Variants in EYS observed in about 807,000 individuals in gnomAD.
The protein encoded by EYS is EGF-like photoreceptor maintenance factor, also known as protein eyes shut homolog.
In EYS, 250 loss-of-function variants were observed where a neutral mutation model predicts 282.1. The ratio of observed to expected loss-of-function variants is 0.89; its 90% CI spans 0.80 to 0.98. The LOEUF (loss-of-function observed/expected upper bound fraction) is 0.98, where lower values mean the gene tolerates loss of function less well. Among genes scored for constraint, EYS ranks in the 50% least tolerant of loss-of-function variants. The probability of loss-of-function intolerance (pLI) is 0.00; values close to 1 mark genes in which losing one functional copy is unlikely to be tolerated. For missense variants in EYS, 4,016 were observed against 3,709.0 expected (o/e 1.08, Z -2.15); for synonymous variants, 1,355 against 1,282.9 (o/e 1.06, Z -1.20).
chr6:65,663,442 C>T lies in EYS; in HGVS notation c.-447-23550G>A, dbSNP rs1768075748. 2.0e-5 allele frequency among the ~76,000 whole-genome samples: 3 copies of T among 152,054 alleles called. No individual in the cohort carries two copies. The South Asian group carries it at 6.2e-4, about 32-fold the overall frequency. ...CAAAAAGGAAGGCTAATTAGCAAAA[C>T]TAAATATAGTCAAGAGATAGGAGAA... is the stretch of plus-strand genomic sequence containing the variant. On this transcript the variant is annotated intron_variant, in intron 1 of 42. Transcript: ENST00000503581.
At chr6:65,050,401 C>A (rs1430907599) in intron 13 of EYS, among the ~76,000 whole-genome samples, 2 of 151,508 alleles carry the variant, frequency 1.3e-5, no homozygotes, top group Admixed American at 6.6e-5. Flanking sequence ...TTTAACGAAT[C>A]GTTTATTTTT....
At chr6:64,167,147 G>T (rs1475617280) in intron 31 of EYS, among the ~76,000 whole-genome samples, 2 of 152,064 alleles carry the variant, frequency 1.3e-5, no homozygotes, top group Non-Finnish European at 2.9e-5. Context: ...TCTATTAATG[G>T]TTATGCAAGT....
At chr6:65,549,615 A>G (rs6932966) in intron 2 of EYS, among the ~76,000 whole-genome samples, 83,628 of 152,100 alleles carry the variant, frequency 0.55, 23,030 homozygotes, top group East Asian at 0.71. Context: ...AGAAGGGCTT[A>G]TATTTAAGGT....
At chr6:65,395,506 C>T (rs1335789614) in intron 7 of EYS, among the ~76,000 whole-genome samples, 1 of 152,040 alleles carries the variant, frequency 6.6e-6, no homozygotes, top group African/African-American at 2.4e-5. Context: ...TATCTGTCAC[C>T]TTGCACAGTT....
chr6:64,779,772 A>C (rs1773801933), intron 22 of EYS, among the ~76,000 whole-genome samples: 1 of 152,148 alleles, frequency 6.6e-6, no homozygotes, highest in Non-Finnish European at 1.5e-5. Context: ...CTCACTCAAT[A>C]TTTCTGTAAA....
chr6:65,059,159 GT>G (rs903414536), intron 12 of EYS, among the ~76,000 whole-genome samples: 3 of 151,972 alleles, frequency 2.0e-5, no homozygotes, highest in African/African-American at 4.8e-5. Context: ...AAATATATTA[GT>G]TTTTTTAATG....
intron 1 of EYS, among the ~76,000 whole-genome samples, chr6:65,690,391 G>A (rs571308178): frequency 2.5e-4 from 37 of 149,712 alleles, no homozygotes; most frequent in Middle Eastern, 3.4e-3. Flanking sequence ...ATATGGACAG[G>A]TGCCCCTCAT....
At chr6:64,421,038 G>T (rs189020783) in intron 28 of EYS, among the ~76,000 whole-genome samples, 1 of 151,950 alleles carries the variant, frequency 6.6e-6, no homozygotes, top group African/African-American at 2.4e-5. Flanking sequence ...CACTCTCTGT[G>T]GTACCAATAT....
At chr6:64,142,244 T>C (rs1443747250) in intron 31 of EYS, among the ~76,000 whole-genome samples, 13 of 152,042 alleles carry the variant, frequency 8.6e-5, no homozygotes, top group Non-Finnish European at 1.9e-4. Context: ...AATTAAATTA[T>C]AGTGAAGTAT....
At position 65,111,564 on chromosome 6, in the gene EYS, T is replaced by A. The variant is rs533528554; in HGVS notation, c.2024-53837A>T. Among the ~76,000 whole-genome samples the A allele has an allele frequency of 1.3e-3, 201 of 152,298 alleles. 1 individual carries two copies. The highest frequency in any genetic ancestry group is 2.2e-3 in the Non-Finnish European group (153 of 68,022). On this transcript the variant is annotated intron_variant, in intron 12 of 42. Transcript: ENST00000503581. ...ACTGCCTGCCAAAATGGCACCCACATGGGCTGGGTGAGGTGACTCAGGCCT... is the reference window on the plus strand; with the variant it reads ...ACTGCCTGCCAAAATGGCACCCACAAGGGCTGGGTGAGGTGACTCAGGCCT...
chr6:65,665,538 T>C (rs547745584), intron 1 of EYS, among the ~76,000 whole-genome samples: 2 of 152,280 alleles, frequency 1.3e-5, no homozygotes, highest in East Asian at 3.9e-4. Flanking sequence ...ATGCATGGCA[T>C]GTACTAAATA....
At chr6:64,991,384 A>G (rs1466681774) in intron 14 of EYS, among the ~76,000 whole-genome samples, 1 of 151,594 alleles carries the variant, frequency 6.6e-6, no homozygotes, top group Non-Finnish European at 1.5e-5. Context: ...TAGCTAATAC[A>G]TCAAGGTTTA....
intron 12 of EYS, among the ~76,000 whole-genome samples, chr6:65,076,599 T>C (rs900422225): frequency 2.6e-5 from 4 of 152,026 alleles, no homozygotes; most frequent in African/African-American, 9.7e-5. Context: ...ATTTTAGTTT[T>C]GTCTAAATCC....
chr6:64,093,815 T>A (rs561922834), intron 31 of EYS, among the ~76,000 whole-genome samples: 1 of 151,910 alleles, frequency 6.6e-6, no homozygotes, highest in Non-Finnish European at 1.5e-5. Context: ...GCGAGAGAGG[T>A]CATCCCTGTC....
intron 26 of EYS, among the ~76,000 whole-genome samples, chr6:64,458,308 C>CT (rs1231363875): frequency 2.0e-5 from 3 of 151,446 alleles, no homozygotes; most frequent in Admixed American, 6.6e-5. Flanking sequence ...TGCTTAGTAC[C>CT]TTTTTTTTAG....
intron 12 of EYS, among the ~76,000 whole-genome samples, chr6:65,059,482 T>A (rs536146630): frequency 1.3e-5 from 2 of 152,266 alleles, no homozygotes; most frequent in South Asian, 4.1e-4. Context: ...GTTAGTCTCC[T>A]ACCCTCCTAC....
At chr6:65,624,636 G>C (rs534790831) in intron 2 of EYS, among the ~76,000 whole-genome samples, 2 of 152,278 alleles carry the variant, frequency 1.3e-5, no homozygotes, top group East Asian at 3.9e-4. Context: ...TCTATCAGCT[G>C]CCAGAGCAGC....
chr6:65,630,153 A>G (rs991853103), intron 2 of EYS, among the ~76,000 whole-genome samples: 1 of 152,198 alleles, frequency 6.6e-6, no homozygotes, highest in African/African-American at 2.4e-5. Flanking sequence ...AATGACCATT[A>G]TATCTCCTGT....
rs1770302899 is a variant in EYS at position 65,344,091 on chromosome 6, C to CT, written c.1545_1546insA (p.Asp516ArgfsTer3). 1 of 1,610,364 alleles carries CT rather than the reference C, an allele frequency of 6.2e-7. No homozygotes were observed. Among genetic ancestry groups the CT allele is most frequent in the African/African-American group, 1.3e-5 (1 of 74,638 alleles). ...CATGAAGAATTATTATCTTCAGGAT[C>CT]GTTCACATAGGTTGCATCTTCAGTG... is the stretch of plus-strand genomic sequence containing the variant. On this transcript the variant is annotated frameshift_variant, in exon 10 of 43. Transcript: ENST00000503581. LOFTEE classifies it high-confidence loss of function.
Sources: gnomAD v4.1 joint callset for allele counts (sites outside exome capture counted in the v4.1 genomes callset) on GRCh38, gnomAD v4.1.1 for gene constraint, MANE v1.5 for transcripts, NCBI Gene and HGNC (gene_info 2026-07-23, HGNC 2026-07-21) for gene names.